The following XIRP2 variants were observed in gnomAD, a reference collection of about 807,000 sequenced individuals.
XIRP2 encodes xin actin binding repeat containing 2.
XIRP2 carries 236 observed loss-of-function variants against 277.0 expected under a neutral mutation model. The ratio of observed to expected loss-of-function variants is 0.85; its 90% CI spans 0.77 to 0.95. XIRP2 has a LOEUF of 0.95. Among genes scored for constraint, XIRP2 ranks in the 40% least tolerant of loss-of-function variants. XIRP2 has a pLI of 0.00. For missense variants in XIRP2, 4,640 were observed against 4,157.5 expected (o/e 1.12, Z -3.19); for synonymous variants, 1,490 against 1,416.5 (o/e 1.05, Z -1.17).
At chr2:166,918,620 AAAACT>A (rs1292890533) in intron 2 of XIRP2, among the ~76,000 whole-genome samples, 2 of 152,280 alleles carry the variant, frequency 1.3e-5, no homozygotes, top group Non-Finnish European at 2.9e-5. Flanking sequence ...TGGGTCGGAA[AAAACT>A]AAAGTGGCAT....
At chr2:167,070,274 T>A (rs17616012) in intron 2 of XIRP2, among the ~76,000 whole-genome samples, 10,566 of 152,216 alleles carry the variant, frequency 0.069, 469 homozygotes, top group South Asian at 0.17. Context: ...AAGAAGCCGA[T>A]AAATATTTGA....
intron 3 of XIRP2, among the ~76,000 whole-genome samples, chr2:167,165,576 T>C (rs149230975): frequency 1.3e-5 from 2 of 152,346 alleles, no homozygotes; most frequent in South Asian, 2.1e-4. Context: ...TTGTTTTAAC[T>C]TGAAGTTCTT....
In XIRP2 at chr2:166,939,706, C is replaced by CA. The variant is rs1553471919; in HGVS notation, c.408+35821dup. On this transcript the variant is annotated intron_variant, in intron 2 of 10. Transcript: ENST00000409195. ...AAAAAAAAAAAAAAAAAACAAAAAA[C>CA]AAAAACAAAAAACAAAACAAAAAAA... Among the ~76,000 whole-genome samples, 611 of 127,112 alleles carry CA rather than the reference C, an allele frequency of 4.8e-3. 6 individuals carry two copies. Among genetic ancestry groups the CA allele is most frequent in the African/African-American group, 0.018 (576 of 32,490 alleles). 83.4% of individuals were successfully genotyped at this position (127,112 alleles called of 152,430 possible).
chr2:166,955,765 A>G (rs775259016), intron 2 of XIRP2, among the ~76,000 whole-genome samples: 1 of 151,316 alleles, frequency 6.6e-6, no homozygotes, highest in Non-Finnish European at 1.5e-5. Context: ...ATATTTTGAA[A>G]TACCTCTGTG....
intron 5 of XIRP2, among the ~76,000 whole-genome samples, chr2:167,220,025 A>G (rs994568038): frequency 6.6e-6 from 1 of 152,186 alleles, no homozygotes; most frequent in Non-Finnish European, 1.5e-5. Flanking sequence ...GGAGTACCAG[A>G]GCTGGCTTGT....
In XIRP2 at chr2:167,245,996, A is replaced by G; in HGVS notation, c.4604A>G (p.His1535Arg). The G allele has an allele frequency of 6.2e-7, 1 of 1,613,196 alleles. No individual in the cohort carries two copies. The highest frequency in any genetic ancestry group is 8.5e-7 in the Non-Finnish European group (1 of 1,179,648). ...TTWLFETTPL[H>R]EFNETRVEKI... ...TGGCTCTTTGAAACAACACCACTTC[A>G]TGAATTTAATGAAACTAGAGTAGAA... The change falls in exon 9 of 11, where the codon CAT (histidine) becomes CGT (arginine). Residue 1535 changes from histidine (H) to arginine (R), a missense_variant. Physicochemically the swap from His to Arg is conservative, Grantham distance 29. Coordinates refer to ENST00000409195, the MANE Select transcript of XIRP2 (RefSeq NM_152381.6).
intron 2 of XIRP2, among the ~76,000 whole-genome samples, chr2:166,981,832 A>G (rs1686877998): frequency 6.6e-6 from 1 of 152,204 alleles, no homozygotes; most frequent in African/African-American, 2.4e-5. Context: ...TGAGATTCTG[A>G]GTGAACATCA....
At chr2:167,109,790 A>G (rs754994390) in intron 2 of XIRP2, among the ~76,000 whole-genome samples, 12 of 152,200 alleles carry the variant, frequency 7.9e-5, no homozygotes, top group Non-Finnish European at 1.6e-4. Flanking sequence ...CAATCTCACC[A>G]GCAGTGTGTA....
intron 3 of XIRP2, among the ~76,000 whole-genome samples, chr2:167,196,480 T>A (rs1439517456): frequency 6.6e-6 from 1 of 151,330 alleles, no homozygotes; most frequent in African/African-American, 2.4e-5. Flanking sequence ...GAGTGTTATT[T>A]GTGTGTCTAG....
chr2:167,169,672 C>G (rs1692627737), intron 3 of XIRP2, among the ~76,000 whole-genome samples: 1 of 152,138 alleles, frequency 6.6e-6, no homozygotes, highest in African/African-American at 2.4e-5. Flanking sequence ...CTTTTAAATG[C>G]TTTTAAGTGG....
intron 2 of XIRP2, among the ~76,000 whole-genome samples, chr2:166,915,076 T>C (rs1684824146): frequency 6.6e-6 from 1 of 151,636 alleles, no homozygotes; most frequent in South Asian, 2.1e-4. Context: ...GGCAGGTGGA[T>C]CATGAGGTCA....
intron 2 of XIRP2, among the ~76,000 whole-genome samples, chr2:167,036,956 G>A (rs908115126): frequency 1.3e-5 from 2 of 152,132 alleles, no homozygotes; most frequent in African/African-American, 2.4e-5. Context: ...CATGTAAGAA[G>A]TGCCTTTCAC....
Position 166,908,027 on chromosome 2 carries a change from G to A in XIRP2, c.408+4137G>A, listed in dbSNP as rs1012867247. Among the ~76,000 whole-genome samples, 13 of 151,356 alleles carry A rather than the reference G, an allele frequency of 8.6e-5. No homozygotes were observed. The East Asian group carries it at 2.6e-3, about 30-fold the overall frequency. On this transcript the variant is annotated intron_variant, in intron 2 of 10. Transcript: ENST00000409195. ...TCCAGTGTATCATTGATGGACATTT[G>A]CATTGGTTCCAAGTCTTTGCTATTG... is the stretch of plus-strand genomic sequence containing the variant.
chr2:167,152,323 C>A (rs1167809193), intron 3 of XIRP2, among the ~76,000 whole-genome samples: 1 of 151,958 alleles, frequency 6.6e-6, no homozygotes, highest in Non-Finnish European at 1.5e-5. Flanking sequence ...GAATCTAGAA[C>A]AGATTTTGCT....
chr2:167,142,228 G>T (rs2105324330), intron 3 of XIRP2, among the ~76,000 whole-genome samples: 1 of 152,242 alleles, frequency 6.6e-6, no homozygotes, highest in East Asian at 1.9e-4. Flanking sequence ...GCCCACACAT[G>T]AGAGCCAAAC....
At chr2:167,026,573 G>GT (rs1259551359) in intron 2 of XIRP2, among the ~76,000 whole-genome samples, 1 of 152,190 alleles carries the variant, frequency 6.6e-6, no homozygotes, top group Non-Finnish European at 1.5e-5. Flanking sequence ...ATTTTGGCAT[G>GT]TTTTTGCAGT....
chr2:167,007,081 T>C (rs549769067), intron 2 of XIRP2, among the ~76,000 whole-genome samples: 1 of 151,710 alleles, frequency 6.6e-6, no homozygotes, highest in Admixed American at 6.6e-5. Context: ...CTTATTTCTC[T>C]TATTTGCAAA....
At chr2:166,926,567 T>C (rs1178931718) in intron 2 of XIRP2, among the ~76,000 whole-genome samples, 1 of 152,124 alleles carries the variant, frequency 6.6e-6, no homozygotes, top group Non-Finnish European at 1.5e-5. Flanking sequence ...TAACCCAATC[T>C]GCTTAGTGGT....
intron 2 of XIRP2, among the ~76,000 whole-genome samples, chr2:166,914,226 G>T (rs781474462): frequency 6.6e-6 from 1 of 152,160 alleles, no homozygotes; most frequent in Non-Finnish European, 1.5e-5. Flanking sequence ...ACTGGAAAAC[G>T]CAAGGAAATG....
Sources: gnomAD v4.1 joint callset for allele counts (sites outside exome capture counted in the v4.1 genomes callset) on GRCh38, gnomAD v4.1.1 for gene constraint, MANE v1.5 for transcripts, NCBI Gene and HGNC (gene_info 2026-07-23, HGNC 2026-07-21) for gene names.